The following NAALADL2 variants were observed in gnomAD, a reference collection of about 807,000 sequenced individuals.
NAALADL2 encodes the protein inactive N-acetylated-alpha-linked acidic dipeptidase-like protein 2.
Under a neutral mutation model 87.2 loss-of-function variants are expected in NAALADL2, and 76 were observed. That is an observed-to-expected ratio of 0.87 (90% CI 0.72 to 1.05). The LOEUF is 1.05. Among genes scored for constraint, NAALADL2 ranks in the 50% least tolerant of loss-of-function variants. The pLI, the probability that NAALADL2 is intolerant of heterozygous loss-of-function variation, is 0.00. For synonymous variants in NAALADL2, 354 were observed against 331.0 expected (o/e 1.07, Z -0.75); for missense variants, 1,089 against 945.8 (o/e 1.15, Z -1.99).
chr3:174,691,383 G>T (rs754678380), intron 2 of NAALADL2, among the ~76,000 whole-genome samples: 4 of 151,720 alleles, frequency 2.6e-5, no homozygotes, highest in African/African-American at 4.8e-5. Flanking sequence ...CTGCACTCTG[G>T]CCTGGGTGAC....
At chr3:174,964,878 T>TTA (rs142799902) in intron 1 of NAALADL2, among the ~76,000 whole-genome samples, 3,753 of 151,210 alleles carry the variant, frequency 0.025, 156 homozygotes, top group African/African-American at 0.086. Context: ...TATATGTAAT[T>TTA]TATATATATA....
chr3:175,323,793 G>A (rs1488190635), intron 4 of NAALADL2, among the ~76,000 whole-genome samples: 5 of 151,832 alleles, frequency 3.3e-5, no homozygotes, highest in Admixed American at 2.0e-4. Flanking sequence ...CGAGGTGGGC[G>A]GATCACGAGG....
At chr3:174,745,927 T>C (rs931180980) in intron 3 of NAALADL2, among the ~76,000 whole-genome samples, 27 of 152,116 alleles carry the variant, frequency 1.8e-4, no homozygotes, top group African/African-American at 6.5e-4. Context: ...GTGGAACATA[T>C]CTCAAAATAG....
At chr3:174,675,643 ACT>A (rs1055380491) in intron 2 of NAALADL2, among the ~76,000 whole-genome samples, 6 of 152,028 alleles carry the variant, frequency 3.9e-5, no homozygotes, top group African/African-American at 7.2e-5. Flanking sequence ...TTATGCAAAT[ACT>A]CTCTGAGTAT....
intron 10 of NAALADL2, among the ~76,000 whole-genome samples, chr3:175,589,509 A>G (rs1007923327): frequency 5.3e-5 from 8 of 149,682 alleles, no homozygotes; most frequent in African/African-American, 2.0e-4. Context: ...TTAAAATTTG[A>G]TCATTGTGTA....
At chr3:175,448,246 G>A (rs1384490456) in intron 6 of NAALADL2, among the ~76,000 whole-genome samples, 7 of 152,222 alleles carry the variant, frequency 4.6e-5, no homozygotes, top group Non-Finnish European at 1.0e-4. Flanking sequence ...TAAACAAGGT[G>A]GGAAAATTAG....
chr3:174,585,667 T>TC (rs137992817), intron 2 of NAALADL2, among the ~76,000 whole-genome samples: 23,507 of 152,074 alleles, frequency 0.15, 1,946 homozygotes, highest in Non-Finnish European at 0.18. Context: ...TTTTTGTTTT[T>TC]TTTTTACTTA....
intron 10 of NAALADL2, among the ~76,000 whole-genome samples, chr3:175,586,987 T>A (rs1720628274): frequency 6.6e-6 from 1 of 152,110 alleles, no homozygotes; most frequent in South Asian, 2.1e-4. Flanking sequence ...AGTTCAGGGA[T>A]GATTTTGAAC....
At chr3:174,823,503 A>G (rs1259068650) in intron 3 of NAALADL2, among the ~76,000 whole-genome samples, 1 of 151,856 alleles carries the variant, frequency 6.6e-6, no homozygotes, top group Non-Finnish European at 1.5e-5. Flanking sequence ...CAGAAACTTT[A>G]AATAACTAGG....
At chr3:174,873,761 CACA>C (rs775451800) in intron 1 of NAALADL2, among the ~76,000 whole-genome samples, 3 of 151,796 alleles carry the variant, frequency 2.0e-5, no homozygotes, top group Non-Finnish European at 4.4e-5. Context: ...ACTTCATTCT[CACA>C]ACAACATCTA....
chr3:175,378,672 G>T (rs1581652528), intron 5 of NAALADL2, among the ~76,000 whole-genome samples: 1 of 152,112 alleles, frequency 6.6e-6, no homozygotes, highest in East Asian at 1.9e-4. Context: ...CTCTGATATT[G>T]TCTTTTTAGC....
chr3:174,688,294 T>C (rs1728229972), intron 2 of NAALADL2, among the ~76,000 whole-genome samples: 1 of 152,132 alleles, frequency 6.6e-6, no homozygotes, highest in Non-Finnish European at 1.5e-5. Context: ...ATTATGAAGA[T>C]AAATTTAATA....
At chr3:175,351,125 C>T (rs1462487299) in intron 5 of NAALADL2, among the ~76,000 whole-genome samples, 1 of 152,080 alleles carries the variant, frequency 6.6e-6, no homozygotes, top group Non-Finnish European at 1.5e-5. Flanking sequence ...CATAGAATAA[C>T]TTCAATGAGT....
chr3:175,374,569 AAAAAAAAAAAAAAAAAG>A (rs1766896110), intron 5 of NAALADL2, among the ~76,000 whole-genome samples: 1 of 146,856 alleles, frequency 6.8e-6, no homozygotes, highest in African/African-American at 2.6e-5. Context: ...AAAAAAAAAA[AAAAAAAAAAAAAAAAAG>A]AAAGTTATAT....
chr3:175,582,095 GACTTGAAA>G (rs1719868380), intron 10 of NAALADL2, among the ~76,000 whole-genome samples: 1 of 152,022 alleles, frequency 6.6e-6, no homozygotes, highest in African/African-American at 2.4e-5. Context: ...TTATAGAGCA[GACTTGAAA>G]ACCTTGATTG....
intron 2 of NAALADL2, among the ~76,000 whole-genome samples, chr3:174,701,471 A>G (rs1052756970): frequency 2.0e-5 from 3 of 152,150 alleles, no homozygotes; most frequent in African/African-American, 7.2e-5. Flanking sequence ...AAACTGATAT[A>G]CAATAAACTA....
At chr3:174,946,087 C>T (rs7624366) in intron 1 of NAALADL2, among the ~76,000 whole-genome samples, 45,987 of 141,950 alleles carry the variant, frequency 0.32, 8,084 homozygotes, top group East Asian at 0.48. Context: ...CAGAATGAGA[C>T]AGAAAAAATG....
At chr3:174,851,322 G>T (rs1438742410) in intron 3 of NAALADL2, among the ~76,000 whole-genome samples, 1 of 148,774 alleles carries the variant, frequency 6.7e-6, no homozygotes, top group East Asian at 2.0e-4. Flanking sequence ...GAAGGTTTTT[G>T]GGGGAAAGAT....
chr3:175,786,758 T>TGGA (rs530821005), intron 13 of NAALADL2, among the ~76,000 whole-genome samples: 252 of 150,912 alleles, frequency 1.7e-3, no homozygotes, highest in Middle Eastern at 3.4e-3. Flanking sequence ...TGCGTTCCTT[T>TGGA]GGAGGAGGAG....
Sources: allele counts gnomAD v4.1 joint callset (sites outside exome capture counted in the v4.1 genomes callset), GRCh38; gene constraint gnomAD v4.1.1; transcripts MANE v1.5; gene names NCBI Gene and HGNC (gene_info 2026-07-23, HGNC 2026-07-21).